The following TSPAN4 variants were observed in gnomAD, a reference collection of about 807,000 sequenced individuals.
TSPAN4 encodes the protein tetraspanin 4.
Under a neutral mutation model 31.5 loss-of-function variants are expected in TSPAN4, and 38 were observed. The ratio of observed to expected loss-of-function variants is 1.21; its 90% CI spans 0.93 to 1.58. The LOEUF (loss-of-function observed/expected upper bound fraction) is 1.58, where lower values mean the gene tolerates loss of function less well. Among genes scored for constraint, TSPAN4 ranks in the 40% most tolerant of loss-of-function variants. The probability of loss-of-function intolerance (pLI) is 0.00; values close to 1 mark genes in which losing one functional copy is unlikely to be tolerated. For synonymous variants in TSPAN4, 186 were observed against 144.6 expected (o/e 1.29, Z -2.06); for missense variants, 330 against 317.3 (o/e 1.04, Z -0.30).
chr11:853,600 G>A (rs554124036), intron 3 of TSPAN4, among the ~76,000 whole-genome samples: 1 of 152,300 alleles, frequency 6.6e-6, no homozygotes, highest in South Asian at 2.1e-4. Flanking sequence ...GTGGAGTGGG[G>A]AGGGTTCCTG....
rs966290814 is a variant in TSPAN4, at chr11:848,562, C to G, written c.-18+1262C>G. ...CCTCCCTGGGCACCCGGGGCTTCCACGGCAGCCCTCCCCAGACCTGCCACC... is the reference window on the plus strand; with the variant it reads ...CCTCCCTGGGCACCCGGGGCTTCCAGGGCAGCCCTCCCCAGACCTGCCACC... On this transcript the variant is annotated intron_variant, in intron 2 of 8. Transcript: ENST00000397397. The surrounding 1 kb of genome is among the most constrained non-coding windows in gnomAD (Gnocchi z 5.7). 1.3e-5 allele frequency among the ~76,000 whole-genome samples: 2 copies of G among 152,146 alleles called. No individual in the cohort carries two copies. The highest frequency in any genetic ancestry group is 4.8e-5 in the African/African-American group (2 of 41,430).
chr11:847,742 G>T (rs1847401561), intron 2 of TSPAN4, among the ~76,000 whole-genome samples: 1 of 152,000 alleles, frequency 6.6e-6, no homozygotes, highest in Admixed American at 6.5e-5. Flanking sequence ...GGGTGGGAGG[G>T]GTCTTAGGGG....
chr11:857,471 C>T (rs1848124235), intron 3 of TSPAN4: 1 of 124,658 alleles, frequency 8.0e-6, no homozygotes. Flanking sequence ...GGCATGATGT[C>T]TGCTCACTGC....
Position 848,779 on chromosome 11 carries a change from CCCTTGTGCCCTGTGGTGGGGCTGGGG to C in TSPAN4, c.-18+1481_-17-1482del, listed in dbSNP as rs1205583601. On this transcript the variant is annotated intron_variant, in intron 2 of 8. Transcript: ENST00000397397. The surrounding 1 kb of genome is among the most constrained non-coding windows in gnomAD (Gnocchi z 5.7). ...CTGATATCTTCCCAACACCGCAGGG[CCCTTGTGCCCTGTGGTGGGGCTGGGG>C]CTTCAGAGGCGTGGGGTAGGCTGCA... The C allele has an allele frequency of 1.8e-5, 10 of 558,202 alleles. No homozygotes were observed. Among genetic ancestry groups the C allele is most frequent in the Admixed American group, 1.4e-4 (4 of 29,276 alleles). The allele number at this position is 558,202 out of a possible 1,614,324, so 34.6% of individuals were successfully genotyped here. A position where few individuals can be genotyped will look rare whatever the true frequency, so the allele number is the denominator to read the frequency against.
rs1847466759 is a variant in TSPAN4 at position 848,879 on chromosome 11, T to C, written c.-17-1409T>C. On this transcript the variant is annotated intron_variant, in intron 2 of 8. Coordinates refer to ENST00000397397, the MANE Select transcript of TSPAN4 (RefSeq NM_003271.5). The surrounding 1 kb of genome is among the most constrained non-coding windows in gnomAD (Gnocchi z 5.7). Reference sequence around the variant, plus strand: ...CCCATCTCCGGCTGTGGGAGGTGTGTGCGCATCCGGCGTGATGACACCCAG... The same window carrying C: ...CCCATCTCCGGCTGTGGGAGGTGTGCGCGCATCCGGCGTGATGACACCCAG... 1.4e-6 allele frequency: 1 copy of C among 709,030 alleles called. No individual in the cohort carries two copies. The highest frequency in any genetic ancestry group is 1.5e-5 in the South Asian group (1 of 66,610). The allele number at this position is 709,030 out of a possible 1,614,324, so 43.9% of individuals were successfully genotyped here. A position where few individuals can be genotyped will look rare whatever the true frequency, so the allele number is the denominator to read the frequency against.
At chr11:855,590 C>T (rs1848000436) in intron 3 of TSPAN4, among the ~76,000 whole-genome samples, 1 of 152,170 alleles carries the variant, frequency 6.6e-6, no homozygotes, top group Non-Finnish European at 1.5e-5. Context: ...CTGGTCTCCT[C>T]ATCTCTGGGC....
chr11:845,033 T>A (rs1281095319), intron 1 of TSPAN4, among the ~76,000 whole-genome samples: 1 of 152,152 alleles, frequency 6.6e-6, no homozygotes, highest in African/African-American at 2.4e-5. Context: ...CCAGCCCACG[T>A]TTCCCTGTCT....
intron 3 of TSPAN4, among the ~76,000 whole-genome samples, chr11:860,211 T>C (rs1034648183): frequency 6.6e-6 from 1 of 152,176 alleles, no homozygotes; most frequent in African/African-American, 2.4e-5. Flanking sequence ...TGTGTGGGAC[T>C]TGTGGGGCCC....
intron 3 of TSPAN4, 192 bp from the exon 4 acceptor site, chr11:862,358 G>C: frequency 1.8e-6 from 1 of 568,304 alleles, no homozygotes; most frequent in Admixed American, 3.4e-5. Flanking sequence ...TGCCAGCCCA[G>C]GGTGTCGGGA....
At chr11:863,016 G>C (rs1218029221) in intron 4 of TSPAN4, 3 of 443,472 alleles carry the variant, frequency 6.8e-6, no homozygotes, top group African/African-American at 4.0e-5. Flanking sequence ...CACTGGCCCT[G>C]GTGAGTGCAG....
chr11:855,724 A>T (rs73403190), intron 3 of TSPAN4, among the ~76,000 whole-genome samples: 5,252 of 152,296 alleles, frequency 0.034, 293 homozygotes, highest in African/African-American at 0.11. Context: ...CGAGCCACAC[A>T]GATTGTAAGT....
intron 3 of TSPAN4, among the ~76,000 whole-genome samples, chr11:852,743 C>A (rs555296018): frequency 6.6e-6 from 1 of 152,238 alleles, no homozygotes; most frequent in African/African-American, 2.4e-5. Context: ...GGGCTTTTGC[C>A]GCCCACTCCA....
At chr11:853,715 C>T (rs983682061) in intron 3 of TSPAN4, among the ~76,000 whole-genome samples, 2 of 152,180 alleles carry the variant, frequency 1.3e-5, no homozygotes, top group Admixed American at 6.5e-5. Flanking sequence ...ACCCCATGGA[C>T]ATCTGGGGAC....
At chr11:850,473 G>A in intron 3 of TSPAN4, 106 bp downstream of exon 3, 1 of 985,736 alleles carries the variant, frequency 1.0e-6, no homozygotes, top group Admixed American at 2.2e-5. Flanking sequence ...CAGGCGTTGG[G>A]TGCGGTTGTG....
chr11:850,382 C>T lies in TSPAN4; in HGVS notation c.63+15C>T, dbSNP rs964882392. ...TGCTCTTCTGGGTGAGTCCGGGGGC[C>T]GGGGTGGGGGCCCGGGAAAGACCCG... is the stretch of plus-strand genomic sequence containing the variant. On this transcript the variant is annotated intron_variant, in intron 3 of 8. Coordinates refer to ENST00000397397, the MANE Select transcript of TSPAN4 (RefSeq NM_003271.5). 6 of 1,592,510 alleles carry T rather than the reference C, an allele frequency of 3.8e-6. No individual in the cohort carries two copies. The highest frequency in any genetic ancestry group is 1.7e-4 in the Middle Eastern group (1 of 6,038).
intron 3 of TSPAN4, among the ~76,000 whole-genome samples, 166 bp downstream of exon 3, chr11:850,533 A>T (rs1276851658): frequency 1.3e-5 from 2 of 152,178 alleles, no homozygotes; most frequent in East Asian, 3.9e-4. Flanking sequence ...AGGAGCCTGG[A>T]CTGGGCGGGT....
intron 3 of TSPAN4, among the ~76,000 whole-genome samples, chr11:860,395 G>A (rs1848391555): frequency 6.6e-6 from 1 of 152,218 alleles, no homozygotes; most frequent in Admixed American, 6.5e-5. Context: ...CAGCCAGCCA[G>A]TAAAAGGGTG....
intron 3 of TSPAN4, among the ~76,000 whole-genome samples, chr11:854,089 C>T (rs373432281): frequency 6.6e-6 from 1 of 152,152 alleles, no homozygotes; most frequent in Non-Finnish European, 1.5e-5. Flanking sequence ...GGTCCCGGGG[C>T]GGAGGGGAGA....
At chr11:850,614 C>T (rs1004154508) in intron 3 of TSPAN4, among the ~76,000 whole-genome samples, 4 of 150,688 alleles carry the variant, frequency 2.7e-5, no homozygotes, top group Non-Finnish European at 4.4e-5. Flanking sequence ...CTGGTCCCCT[C>T]TCCTCTCCTC....
Sources: allele counts gnomAD v4.1 joint callset (sites outside exome capture counted in the v4.1 genomes callset), GRCh38; gene constraint gnomAD v4.1.1; non-coding constraint Gnocchi (gnomAD v3.1); transcripts MANE v1.5; gene names NCBI Gene and HGNC (gene_info 2026-07-23, HGNC 2026-07-21).